The following KAT6B variants were observed in gnomAD, a reference collection of about 807,000 sequenced individuals.
KAT6B encodes the protein histone acetyltransferase KAT6B.
A neutral mutation model predicts 187.5 loss-of-function variants in KAT6B; 10 were observed. The observed-to-expected ratio is 0.05, with a 90% CI of 0.03 to 0.09. The LOEUF is 0.09. Among genes scored for constraint, KAT6B ranks in the 10% least tolerant of loss-of-function variants. The pLI, the probability that KAT6B is intolerant of heterozygous loss-of-function variation, is 1.00. For missense variants in KAT6B, 1,952 were observed against 2,558.9 expected, an observed-to-expected ratio of 0.76 and a Z score of 5.12; for synonymous variants, 861 against 926.8, an observed-to-expected ratio of 0.93 and a Z score of 1.29.
chr10:75,029,032 C>T lies in KAT6B; in HGVS notation c.4208C>T (p.Ala1403Val), dbSNP rs1160037448. The change falls in exon 18 of 18, where the codon GCA (alanine) becomes GTA (valine). Residue 1403 changes from alanine (A) to valine (V), a missense_variant. By Grantham distance (64) the Ala-to-Val change is moderately conservative. Around this residue, in one of 9 missense-constraint regions of KAT6B, gnomAD observed 758 missense variants for 891.4 expected, o/e 0.85. Coordinates refer to ENST00000287239, the MANE Select transcript of KAT6B (RefSeq NM_012330.4). This position sits in a 1 kb window ranked among gnomAD's most constrained non-coding sequence, Gnocchi z 6.2. ...PEISTEKEDS[A>V]RLDDHEEEEE... ...ATCTCCACGGAAAAAGAAGACTCTG[C>T]ACGTTTGGATGATCACGAAGAGGAG... 6.2e-7 allele frequency: 1 copy of T among 1,614,054 alleles called. No homozygotes were observed. The highest frequency in any genetic ancestry group is 1.3e-5 in the African/African-American group (1 of 74,968).
At chr10:74,895,062 G>GT (rs56260562) in intron 3 of KAT6B, among the ~76,000 whole-genome samples, 470 of 141,066 alleles carry the variant, frequency 3.3e-3, no homozygotes, top group Admixed American at 6.1e-3. Flanking sequence ...TCAACACTTG[G>GT]TTTTTTTTTT....
At chr10:74,898,995 T>TAGAAAA (rs1846183736) in intron 3 of KAT6B, among the ~76,000 whole-genome samples, 1 of 67,172 alleles carries the variant, frequency 1.5e-5, no homozygotes, top group Non-Finnish European at 2.3e-5. Flanking sequence ...GTACTAAAAA[T>TAGAAAA]ACAAAAAAAA....
At chr10:74,912,056 T>C (rs2132927201) in intron 3 of KAT6B, among the ~76,000 whole-genome samples, 1 of 152,316 alleles carries the variant, frequency 6.6e-6, no homozygotes, top group Non-Finnish European at 1.5e-5. Context: ...TCTTCCCACC[T>C]TGGCCTCCTA....
intron 11 of KAT6B, chr10:74,983,544 C>G (rs1842645780): frequency 1.3e-5 from 2 of 152,204 alleles, no homozygotes; most frequent in East Asian, 3.8e-4. Context: ...TTCTTCCAAC[C>G]AAAACATTGT....
In KAT6B at chr10:74,826,792, C is replaced by T. The variant is rs1840265663; in HGVS notation, c.-329+7C>T. ...GGCGGTGGCGCGCAGCCAGGTCTGT[C>T]ACCCACCCCGCGCGTTCCCAGGGGG... On this transcript the variant is annotated splice_region_variant and intron_variant, in intron 1 of 17. Coordinates refer to ENST00000287239, the MANE Select transcript of KAT6B (RefSeq NM_012330.4). 3 of 151,590 alleles carry T rather than the reference C, an allele frequency of 2.0e-5. No individual in the cohort carries two copies. The highest frequency in any genetic ancestry group is 2.0e-4 in the East Asian group (1 of 5,106). The allele number at this position is 151,590 out of a possible 1,614,324, so 9.4% of individuals were successfully genotyped here. A position where few individuals can be genotyped will look rare whatever the true frequency, so the allele number is the denominator to read the frequency against.
At position 75,031,615 on chromosome 10, in the gene KAT6B, T is replaced by TA. The variant is rs943431911; in HGVS notation, c.*577dup. ...TTAGGGTGCCCTAATTTGAGGGTTT[T>TA]AAAAAAAACTATATTTTTGTTAATT... On this transcript the variant is annotated 3_prime_UTR_variant, in exon 18 of 18. Coordinates refer to ENST00000287239, the MANE Select transcript of KAT6B (RefSeq NM_012330.4). 157 of 213,944 alleles carry TA rather than the reference T, an allele frequency of 7.3e-4. No individual in the cohort carries two copies. The highest frequency in any genetic ancestry group is 3.1e-3 in the African/African-American group (139 of 44,210). 13.3% of individuals were successfully genotyped at this position (213,944 alleles called of 1,614,324 possible). A position where few individuals can be genotyped will look rare whatever the true frequency, so the allele number is the denominator to read the frequency against.
chr10:74,961,616 A>G (rs1841102160), intron 4 of KAT6B, among the ~76,000 whole-genome samples: 1 of 152,152 alleles, frequency 6.6e-6, no homozygotes, highest in Admixed American at 6.5e-5. Context: ...CACAGGGTAT[A>G]AAGGTGTAAT....
At chr10:74,898,617 G>A (rs1769353862) in intron 3 of KAT6B, among the ~76,000 whole-genome samples, 1 of 152,118 alleles carries the variant, frequency 6.6e-6, no homozygotes, top group South Asian at 2.1e-4. Flanking sequence ...TTCAAAAGAA[G>A]TTTTGAACTG....
At chr10:75,024,489 T>C (rs1203466970) in intron 16 of KAT6B, among the ~76,000 whole-genome samples, 2 of 152,234 alleles carry the variant, frequency 1.3e-5, no homozygotes, top group East Asian at 1.9e-4. Context: ...TCTTGTATCA[T>C]ATTTCCCAGT....
At chr10:74,950,742 G>A (rs1040455003) in intron 3 of KAT6B, among the ~76,000 whole-genome samples, 1 of 152,164 alleles carries the variant, frequency 6.6e-6, no homozygotes. Context: ...TTGTTGCAGT[G>A]CCATCAGTTG....
intron 17 of KAT6B, 148 bp downstream of exon 17, chr10:75,025,397 C>A: frequency 1.4e-6 from 1 of 717,276 alleles, no homozygotes; most frequent in Non-Finnish European, 2.4e-6. Context: ...CCTTTCCCAT[C>A]CTTACAAGCT....
chr10:74,994,528 A>G (rs2133910068), intron 13 of KAT6B, among the ~76,000 whole-genome samples: 1 of 152,192 alleles, frequency 6.6e-6, no homozygotes, highest in Admixed American at 6.5e-5. Flanking sequence ...CATGCCTGTA[A>G]TCCCAGCACT....
At chr10:75,009,125 G>A (rs1223266820) in intron 13 of KAT6B, among the ~76,000 whole-genome samples, 1 of 152,160 alleles carries the variant, frequency 6.6e-6, no homozygotes, top group African/African-American at 2.4e-5. Flanking sequence ...ACTTTGATTT[G>A]TAAATGATGA....
chr10:74,940,041 G>A (rs747572943), intron 3 of KAT6B, among the ~76,000 whole-genome samples: 1 of 152,030 alleles, frequency 6.6e-6, no homozygotes, highest in Non-Finnish European at 1.5e-5. Context: ...GTGTGTCGGG[G>A]CTATTAATGA....
Position 75,021,292 on chromosome 10 carries a change from A to G in KAT6B, c.3021+7A>G, listed in dbSNP as rs1232655792. 1 of 1,613,634 alleles carries G rather than the reference A, an allele frequency of 6.2e-7. No homozygotes were observed. Among genetic ancestry groups the G allele is most frequent in the Admixed American group, 1.7e-5 (1 of 60,024 alleles). ...GCGAGAAGCTGAGAAAGAGGTAATG[A>G]TTGTCTTTATCATCCTAAGTTGTGT... On this transcript the variant is annotated splice_region_variant and intron_variant, in intron 15 of 17. Coordinates refer to ENST00000287239, the MANE Select transcript of KAT6B (RefSeq NM_012330.4).
At chr10:74,965,500 G>C (rs1331111744) in intron 4 of KAT6B, among the ~76,000 whole-genome samples, 1 of 152,178 alleles carries the variant, frequency 6.6e-6, no homozygotes, top group African/African-American at 2.4e-5. Flanking sequence ...AGGGAGGAGA[G>C]ATGGACAGAT....
chr10:74,925,596 T>C (rs2133107104), intron 3 of KAT6B, among the ~76,000 whole-genome samples: 1 of 152,364 alleles, frequency 6.6e-6, no homozygotes, highest in Middle Eastern at 3.4e-3. Flanking sequence ...TTCTGTTGGA[T>C]GAGTATTTGT....
In KAT6B at chr10:74,867,326, C is replaced by CT. The variant is rs531081572; in HGVS notation, c.621+23855dup. Among the ~76,000 whole-genome samples the CT allele has an allele frequency of 1.3e-3, 195 of 152,176 alleles. 1 individual carries two copies. The highest frequency in any genetic ancestry group is 4.6e-3 in the African/African-American group (192 of 41,540). ...TGCTATATATATTTTTTCTTTCCTTCTTTTTTTCTTGCTACATTGTTCCTG... is the reference window on the plus strand; with the variant it reads ...TGCTATATATATTTTTTCTTTCCTTCTTTTTTTTCTTGCTACATTGTTCCTG... On this transcript the variant is annotated intron_variant, in intron 3 of 17. Coordinates refer to ENST00000287239, the MANE Select transcript of KAT6B (RefSeq NM_012330.4).
intron 2 of KAT6B, among the ~76,000 whole-genome samples, chr10:74,839,746 CGAAACCATTTTACTT>C (rs1841592736): frequency 6.6e-6 from 1 of 152,022 alleles, no homozygotes; most frequent in Admixed American, 6.5e-5. Context: ...AAATTTTGCC[CGAAACCATTTTACTT>C]GGGAAAGATC....
Sources: allele counts gnomAD v4.1 joint callset (sites outside exome capture counted in the v4.1 genomes callset), GRCh38; gene constraint gnomAD v4.1.1; regional missense constraint gnomAD v4.1.1; non-coding constraint Gnocchi (gnomAD v3.1); transcripts MANE v1.5; gene names NCBI Gene and HGNC (gene_info 2026-07-23, HGNC 2026-07-21).